Variants in CYRIA observed in about 807,000 individuals in gnomAD.
CYRIA encodes the protein CYFIP related Rac1 interactor A.
CYRIA carries 15 observed loss-of-function variants against 43.9 expected under a neutral mutation model. The ratio of observed to expected loss-of-function variants is 0.34; its 90% CI spans 0.23 to 0.53. The LOEUF (loss-of-function observed/expected upper bound fraction) is 0.53. CYRIA is among the 20% of genes least tolerant of loss of function. CYRIA has a pLI of 0.94. For synonymous variants in CYRIA, 117 were observed against 136.0 expected (o/e 0.86, Z 0.97); for missense variants, 236 against 394.2 (o/e 0.60, Z 3.40).
chr2:16,611,776 TG>T (rs1204725737), intron 2 of CYRIA, among the ~76,000 whole-genome samples: 1 of 65,890 alleles, frequency 1.5e-5, no homozygotes, highest in East Asian at 4.2e-4. Context: ...GGGGCGGAGG[TG>T]GGGGGGTGGT....
chr2:16,559,986 C>T (rs550652806), intron 9 of CYRIA, among the ~76,000 whole-genome samples: 133 of 152,278 alleles, frequency 8.7e-4, no homozygotes, highest in African/African-American at 3.2e-3. Flanking sequence ...TATCATGTCT[C>T]CAGTCGGAGT....
chr2:16,566,723 G>A (rs759869625), intron 3 of CYRIA, among the ~76,000 whole-genome samples: 3 of 152,138 alleles, frequency 2.0e-5, no homozygotes, highest in Non-Finnish European at 2.9e-5. Flanking sequence ...TTACCTTCCC[G>A]GAGCTAGCAT....
intron 1 of CYRIA, among the ~76,000 whole-genome samples, chr2:16,632,737 T>C (rs1669366657): frequency 6.6e-6 from 1 of 152,138 alleles, no homozygotes; most frequent in Non-Finnish European, 1.5e-5. Context: ...CCATGACAGC[T>C]GGGAGCCGGC....
At chr2:16,581,542 CTTTT>C (rs372906815) in intron 3 of CYRIA, among the ~76,000 whole-genome samples, 1 of 146,308 alleles carries the variant, frequency 6.8e-6, no homozygotes, top group Non-Finnish European at 1.5e-5. Flanking sequence ...TTCACAGTTT[CTTTT>C]TTTTTTGTAT....
chr2:16,621,621 G>A (rs1381513454), intron 2 of CYRIA, among the ~76,000 whole-genome samples: 1 of 152,100 alleles, frequency 6.6e-6, no homozygotes. Context: ...AATCCTACTG[G>A]TCACTCGAGA....
chr2:16,627,192 G>C (rs906692335), intron 1 of CYRIA, among the ~76,000 whole-genome samples: 5 of 152,222 alleles, frequency 3.3e-5, no homozygotes, highest in African/African-American at 1.2e-4. Flanking sequence ...AGAAAAGCAA[G>C]GCACAACAAC....
At position 16,552,241 on chromosome 2, in the gene CYRIA, CA is replaced by C. The variant is rs1422780097; in HGVS notation, c.*694del. On this transcript the variant is annotated 3_prime_UTR_variant, in exon 12 of 12. Transcript: ENST00000381323. ...CCAGTTCCAAGACAGCCACCTTCAT[CA>C]GTCCAGTGGCAACAGCACATCTATC... 1 of 152,148 alleles carries C rather than the reference CA, an allele frequency of 6.6e-6. No individual in the cohort carries two copies. The highest frequency in any genetic ancestry group is 2.4e-5 in the African/African-American group (1 of 41,436). 9.4% of individuals were successfully genotyped at this position (152,148 alleles called of 1,614,324 possible).
intron 2 of CYRIA, among the ~76,000 whole-genome samples, chr2:16,622,253 A>G (rs1230489972): frequency 1.3e-5 from 2 of 152,158 alleles, no homozygotes; most frequent in Non-Finnish European, 2.9e-5. Flanking sequence ...AAGGGCTAGG[A>G]AAGTAGTAGT....
At chr2:16,616,155 C>T (rs1668780723) in intron 2 of CYRIA, among the ~76,000 whole-genome samples, 1 of 152,136 alleles carries the variant, frequency 6.6e-6, no homozygotes, top group African/African-American at 2.4e-5. Context: ...GAGTGGTGGC[C>T]TGCTCTGTCC....
chr2:16,587,393 G>C (rs991641894), intron 3 of CYRIA, among the ~76,000 whole-genome samples: 1 of 151,920 alleles, frequency 6.6e-6, no homozygotes, highest in African/African-American at 2.4e-5. Flanking sequence ...GTGGGCTTAC[G>C]ACCTTCAAAA....
Position 16,555,112 on chromosome 2 carries a change from C to G in CYRIA, c.865G>C (p.Glu289Gln). 6.2e-7 allele frequency: 1 copy of G among 1,613,184 alleles called. No individual in the cohort carries two copies. Among genetic ancestry groups the G allele is most frequent in the Non-Finnish European group, 8.5e-7 (1 of 1,179,622 alleles). ...DMKGCIKVLK[E>Q]QAPDSVEGLL... ...CCCTCCACACTGTCTGGGGCCTGCT[C>G]CTTCAAAACTTTTATGCAGCCTTTC... The change falls in exon 11 of 12, where the codon GAG becomes CAG. Residue 289 changes from glutamate (E) to glutamine (Q), a missense_variant. Glu to Gln is a conservative substitution (Grantham distance 29). Around this residue, in one of 3 missense-constraint regions of CYRIA, gnomAD observed 40 missense variants for 62.2 expected, o/e 0.64. Coordinates refer to ENST00000381323, the MANE Select transcript of CYRIA (RefSeq NM_030797.4).
chr2:16,593,871 C>A (rs1668022460), intron 2 of CYRIA, among the ~76,000 whole-genome samples: 3 of 146,878 alleles, frequency 2.0e-5, no homozygotes, highest in Admixed American at 6.8e-5. Context: ...TGCTATCCCT[C>A]CCCCCGACCC....
At chr2:16,646,200 T>C (rs1213602993) in intron 1 of CYRIA, among the ~76,000 whole-genome samples, 5 of 152,206 alleles carry the variant, frequency 3.3e-5, no homozygotes, top group Admixed American at 3.3e-4. Flanking sequence ...ACTTGTGGTC[T>C]AAGGAGACAG....
chr2:16,656,750 G>C (rs2103554469), intron 1 of CYRIA, among the ~76,000 whole-genome samples: 1 of 152,360 alleles, frequency 6.6e-6, no homozygotes, highest in East Asian at 1.9e-4. Context: ...GAAAACAGGA[G>C]AGAAATGCAG....
At chr2:16,584,909 C>T (rs943719800) in intron 3 of CYRIA, among the ~76,000 whole-genome samples, 1 of 152,172 alleles carries the variant, frequency 6.6e-6, no homozygotes, top group African/African-American at 2.4e-5. Context: ...TAGATGTATG[C>T]TCTTTTTCCT....
At chr2:16,662,909 T>C (rs75874144) in intron 1 of CYRIA, among the ~76,000 whole-genome samples, 9,345 of 152,310 alleles carry the variant, frequency 0.061, 460 homozygotes, top group African/African-American at 0.13. Context: ...TAAATTTTTT[T>C]TTGAAAACAG....
chr2:16,560,018 G>T lies in CYRIA; in HGVS notation c.711-432C>A, dbSNP rs1357757111. Among the ~76,000 whole-genome samples the T allele has an allele frequency of 2.6e-5, 4 of 152,240 alleles. No individual in the cohort carries two copies. The East Asian group carries it at 7.7e-4, about 29-fold the overall frequency. On this transcript the variant is annotated intron_variant, in intron 9 of 11. Coordinates refer to ENST00000381323, the MANE Select transcript of CYRIA (RefSeq NM_030797.4). ...GAGTAACTTCCTTTGTTAAAACACA[G>T]GCTGCAGATTGTATTGGATTGGCAA...
At chr2:16,620,498 A>G (rs1163854533) in intron 2 of CYRIA, among the ~76,000 whole-genome samples, 3 of 152,234 alleles carry the variant, frequency 2.0e-5, no homozygotes, top group Admixed American at 6.5e-5. Flanking sequence ...TTTACAGCCA[A>G]GGAAACTATA....
At chr2:16,571,470 T>C (rs765671583) in intron 3 of CYRIA, among the ~76,000 whole-genome samples, 7 of 152,350 alleles carry the variant, frequency 4.6e-5, no homozygotes, top group Middle Eastern at 3.4e-3. Context: ...GGCTATCAAA[T>C]CCATGTATTC....
Sources: allele counts gnomAD v4.1 joint callset (sites outside exome capture counted in the v4.1 genomes callset), GRCh38; gene constraint gnomAD v4.1.1; regional missense constraint gnomAD v4.1.1; transcripts MANE v1.5; gene names NCBI Gene and HGNC (gene_info 2026-07-23, HGNC 2026-07-21).